HCN2: variants seen among roughly 807,000 people sequenced by gnomAD.
HCN2 encodes the protein potassium/sodium hyperpolarization-activated cyclic nucleotide-gated channel 2.
HCN2 carries 20 observed loss-of-function variants against 52.3 expected under a neutral mutation model. That is an observed-to-expected ratio of 0.38 (90% CI 0.27 to 0.56). HCN2 has a LOEUF of 0.56. HCN2 is among the 20% of genes least tolerant of loss of function. HCN2 has a pLI of 0.71. For synonymous variants in HCN2, 694 were observed against 537.0 expected (o/e 1.29, Z -4.04); for missense variants, 981 against 1,207.7 (o/e 0.81, Z 2.78).
rs149008044 is a variant in HCN2, at chr19:592,466, C to G, written c.632+1889C>G. ...TTCCACCCTCCTTGGGCGTGGTCGC[C>G]TGGAGGCCTGGGCAGGCTGTGGCCC... On this transcript the variant is annotated intron_variant, in intron 1 of 7. Transcript: ENST00000251287. This position sits in a 1 kb window ranked among gnomAD's most constrained non-coding sequence, Gnocchi z 4.8. Among the ~76,000 whole-genome samples the G allele has an allele frequency of 1.0e-3, 158 of 152,212 alleles. No individual in the cohort carries two copies. The highest frequency in any genetic ancestry group is 3.5e-3 in the Admixed American group (53 of 15,300).
Position 592,496 on chromosome 19 carries a change from C to G in HCN2, c.632+1919C>G, listed in dbSNP as rs1982904246. Among the ~76,000 whole-genome samples the G allele has an allele frequency of 6.6e-6, 1 of 152,162 alleles. No homozygotes were observed. The highest frequency in any genetic ancestry group is 1.5e-5 in the Non-Finnish European group (1 of 68,020). On this transcript the variant is annotated intron_variant, in intron 1 of 7. Coordinates refer to ENST00000251287, the MANE Select transcript of HCN2 (RefSeq NM_001194.4). The surrounding 1 kb of genome is among the most constrained non-coding windows in gnomAD (Gnocchi z 4.8). ...GGCCTGGGCAGGCTGTGGCCCCGCT[C>G]TGTGCTCTGAGGCATAGAGGGCTCA...
chr19:598,042 G>A (rs1042235635), intron 1 of HCN2, among the ~76,000 whole-genome samples: 3 of 152,212 alleles, frequency 2.0e-5, no homozygotes, highest in Non-Finnish European at 4.4e-5. Context: ...CAATCCAGAG[G>A]GTGAGGCTGG....
chr19:600,089 C>T lies in HCN2; in HGVS notation c.633-3455C>T, dbSNP rs142402058. ...CCCTCCCTTGTCTGAGTCAGGCACA[C>T]GCAGGCCATGTGGGCTCAGACCCCA... is the stretch of plus-strand genomic sequence containing the variant. On this transcript the variant is annotated intron_variant, in intron 1 of 7. Transcript: ENST00000251287. 1.4e-4 allele frequency among the ~76,000 whole-genome samples: 21 copies of T among 152,294 alleles called. 1 individual carries two copies. In the East Asian group the frequency reaches 2.7e-3, roughly 20 times the overall value.
rs773507773 is a variant in HCN2, at chr19:616,003, G to A, written c.2199G>A (p.Ala733=). The change falls in exon 8 of 8, where the codon GCG becomes GCA. Residue 733 remains alanine, a synonymous_variant. Transcript: ENST00000251287. ...VTSAIATLQQ[A]AAMSFCPQVA... The stretch of plus-strand genomic sequence containing the variant: ...CGGCCATCGCCACGCTGCAGCAGGC[G>A]GCGGCCATGAGCTTCTGCCCGCAGG... 7.8e-6 allele frequency: 12 copies of A among 1,547,910 alleles called. No homozygotes were observed. The highest frequency in any genetic ancestry group is 1.0e-5 in the Non-Finnish European group (12 of 1,153,228).
At position 616,079 on chromosome 19, in the gene HCN2, C is replaced by T. The variant is rs1468892810; in HGVS notation, c.2275C>T (p.Arg759Cys). 20 of 1,062,322 alleles carry T rather than the reference C, an allele frequency of 1.9e-5. No individual in the cohort carries two copies. Among genetic ancestry groups the T allele is most frequent in the Non-Finnish European group, 2.2e-5 (19 of 881,712 alleles). The allele number at this position is 1,062,322 out of a possible 1,614,324, so 65.8% of individuals were successfully genotyped here. ...PLALGSPRLVRRPPPGPAPAA... is the reference protein window; with the variant it reads ...PLALGSPRLVCRPPPGPAPAA... ...GGCGCTCGGCTCGCCGCGCCTCGTG[C>T]GCCGCCCGCCCCCGGGGCCCGCACC... Residue 759 changes from arginine (R) to cysteine (C), a missense_variant, in exon 8 of 8, where the codon CGC becomes TGC. This residue lies in a region of HCN2 where 368 missense variants were observed against 314.8 expected (regional missense o/e 1.17). Transcript: ENST00000251287.
rs575549498 is a variant in HCN2 at position 608,676 on chromosome 19, C to T, written c.1437+494C>T. 1.2e-4 allele frequency among the ~76,000 whole-genome samples: 18 copies of T among 152,058 alleles called. No individual in the cohort carries two copies. In the East Asian group the frequency reaches 3.3e-3, roughly 28 times the overall value. On this transcript the variant is annotated intron_variant, in intron 4 of 7. Coordinates refer to ENST00000251287, the MANE Select transcript of HCN2 (RefSeq NM_001194.4). ...GGTCAGTCTTTGGACATCGGGAAGC[C>T]CCCGGGCTGAAGGGGCATTGCCAGG...
intron 1 of HCN2, among the ~76,000 whole-genome samples, chr19:601,549 T>C (rs372021535): frequency 9.2e-5 from 14 of 152,106 alleles, no homozygotes; most frequent in African/African-American, 2.9e-4. Context: ...GCAGTCGAGC[T>C]GGTGTGAACA....
rs970001941 is a variant in HCN2 at position 617,142 on chromosome 19, C to T, written c.*668C>T. ...CCACACCCCCATTCCGCGCAATAAA[C>T]GACAGCATTGGCGCCAAGCCTGGCC... On this transcript the variant is annotated 3_prime_UTR_variant, in exon 8 of 8. Coordinates refer to ENST00000251287, the MANE Select transcript of HCN2 (RefSeq NM_001194.4). 4.0e-5 allele frequency: 21 copies of T among 527,522 alleles called. No individual in the cohort carries two copies. The highest frequency in any genetic ancestry group is 1.8e-4 in the African/African-American group (9 of 49,176). The allele number at this position is 527,522 out of a possible 1,614,324, so 32.7% of individuals were successfully genotyped here.
chr19:597,160 C>T (rs1314033515), intron 1 of HCN2, among the ~76,000 whole-genome samples: 1 of 152,248 alleles, frequency 6.6e-6, no homozygotes, highest in Non-Finnish European at 1.5e-5. Context: ...CTAGGCCCCT[C>T]TGCTCTGACC....
rs760087608 is a variant in HCN2, at chr19:592,405, G to A, written c.632+1828G>A. ...CAGATGGCTGATCCCGGGGCTTGGG[G>A]GGAAGGCCGGTGGTAGGAGTGAAGC... On this transcript the variant is annotated intron_variant, in intron 1 of 7. Transcript: ENST00000251287. The surrounding 1 kb of genome is among the most constrained non-coding windows in gnomAD (Gnocchi z 4.8). Among the ~76,000 whole-genome samples the A allele has an allele frequency of 1.3e-5, 2 of 152,184 alleles. No individual in the cohort carries two copies. Among genetic ancestry groups the A allele is most frequent in the Non-Finnish European group, 2.9e-5 (2 of 68,010 alleles).
In HCN2 at chr19:592,207, G is replaced by A. The variant is rs1191450940; in HGVS notation, c.632+1630G>A. The stretch of plus-strand genomic sequence containing the variant: ...AGAGGGACGCGGTGGAGAGGGAGCT[G>A]TAGAACGTGCCCACTCCCCTCCGTC... On this transcript the variant is annotated intron_variant, in intron 1 of 7. Coordinates refer to ENST00000251287, the MANE Select transcript of HCN2 (RefSeq NM_001194.4). This position sits in a 1 kb window ranked among gnomAD's most constrained non-coding sequence, Gnocchi z 4.8. Among the ~76,000 whole-genome samples, 1 of 152,214 alleles carries A rather than the reference G, an allele frequency of 6.6e-6. No individual in the cohort carries two copies. The highest frequency in any genetic ancestry group is 1.5e-5 in the Non-Finnish European group (1 of 68,028).
At chr19:602,160 T>C (rs994355224) in intron 1 of HCN2, among the ~76,000 whole-genome samples, 1 of 131,260 alleles carries the variant, frequency 7.6e-6, no homozygotes, top group African/African-American at 2.8e-5. Flanking sequence ...GACGCCCCAC[T>C]TCCTCCTCTC....
intron 1 of HCN2, among the ~76,000 whole-genome samples, chr19:594,698 G>A (rs931733311): frequency 6.6e-6 from 1 of 152,146 alleles, no homozygotes; most frequent in Non-Finnish European, 1.5e-5. Context: ...TATCCTGGGG[G>A]GATGGCCCCG....
At chr19:615,668 T>G in intron 7 of HCN2, 127 bp from the exon 8 acceptor site, 1 of 813,238 alleles carries the variant, frequency 1.2e-6, no homozygotes, top group Non-Finnish European at 2.1e-6. Flanking sequence ...ATACAGTAGG[T>G]GGTAAATGCA....
chr19:590,378 G>C lies in HCN2; in HGVS notation c.433G>C (p.Gly145Arg), dbSNP rs755611826. 6 of 1,201,436 alleles carry C rather than the reference G, an allele frequency of 5.0e-6. No individual in the cohort carries two copies. Among genetic ancestry groups the C allele is most frequent in the Non-Finnish European group, 3.1e-6 (3 of 964,204 alleles). 74.4% of individuals were successfully genotyped at this position (1,201,436 alleles called of 1,614,324 possible). ...APGPGPAEEA[G>R]SEEAGPAGEP... ...GGGGCCGGGGCCGGCGGAGGAGGCG[G>C]GCAGCGAGGAGGCGGGCCCGGCGGG... Residue 145 changes from glycine (G) to arginine (R), a missense_variant, in exon 1 of 8, where the codon GGC becomes CGC. Physicochemically the swap from Gly to Arg is moderately radical, Grantham distance 125. This residue lies in a region of HCN2 where 215 missense variants were observed against 179.4 expected (regional missense o/e 1.20). Transcript: ENST00000251287. The surrounding 1 kb of genome is among the most constrained non-coding windows in gnomAD (Gnocchi z 7.2).
At chr19:600,290 A>G (rs1983161915) in intron 1 of HCN2, among the ~76,000 whole-genome samples, 1 of 152,154 alleles carries the variant, frequency 6.6e-6, no homozygotes, top group Non-Finnish European at 1.5e-5. Flanking sequence ...CACCTGCTTC[A>G]GCGTCCCGAG....
At chr19:607,755 G>A (rs1364877476) in intron 3 of HCN2, among the ~76,000 whole-genome samples, 2 of 152,246 alleles carry the variant, frequency 1.3e-5, no homozygotes, top group African/African-American at 2.4e-5. Context: ...CGGGCAGGTA[G>A]AATCAGCCCT....
At position 600,628 on chromosome 19, in the gene HCN2, A is replaced by T. The variant is rs78084963; in HGVS notation, c.633-2916A>T. On this transcript the variant is annotated intron_variant, in intron 1 of 7. Coordinates refer to ENST00000251287, the MANE Select transcript of HCN2 (RefSeq NM_001194.4). ...CCAGAGTGCTGGGATTACAGACGTG[A>T]GCCACCACACCCGGCCTAATTTCTG... is the stretch of plus-strand genomic sequence containing the variant. Among the ~76,000 whole-genome samples the T allele has an allele frequency of 9.6e-3, 1,445 of 151,288 alleles. 9 individuals carry two copies. Among genetic ancestry groups the T allele is most frequent in the Non-Finnish European group, 0.016 (1,076 of 67,832 alleles).
chr19:602,072 C>A (rs1249534550), intron 1 of HCN2, among the ~76,000 whole-genome samples: 1 of 148,986 alleles, frequency 6.7e-6, no homozygotes, highest in Middle Eastern at 3.5e-3. Context: ...TGGCTTCCCT[C>A]CCTCCTGTGT....
Sources: allele counts gnomAD v4.1 joint callset (sites outside exome capture counted in the v4.1 genomes callset), GRCh38; gene constraint gnomAD v4.1.1; regional missense constraint gnomAD v4.1.1; non-coding constraint Gnocchi (gnomAD v3.1); transcripts MANE v1.5; gene names NCBI Gene and HGNC (gene_info 2026-07-23, HGNC 2026-07-21).